The following FBXL4 variants were observed in gnomAD, a reference collection of about 807,000 sequenced individuals.
FBXL4 encodes F-box/LRR-repeat protein 4.
In FBXL4, 40 loss-of-function variants were observed where a neutral mutation model predicts 58.9. That is an observed-to-expected ratio of 0.68 (90% CI 0.53 to 0.88). The LOEUF (loss-of-function observed/expected upper bound fraction) is 0.88. FBXL4 is among the 40% of genes least tolerant of loss of function. FBXL4 has a pLI of 0.00. For missense variants in FBXL4, 676 were observed against 734.4 expected, an observed-to-expected ratio of 0.92 and a Z score of 0.92; for synonymous variants, 263 against 265.5, an observed-to-expected ratio of 0.99 and a Z score of 0.09.
chr6:98,934,740 A>G (rs1238382666), intron 2 of FBXL4, 22 bp downstream of exon 2: 1 of 152,156 alleles, frequency 6.6e-6, no homozygotes. Flanking sequence ...CCCAAAGTAG[A>G]AAAAATAGGT....
At chr6:98,899,059 GAGA>G in intron 7 of FBXL4, 1 of 985,078 alleles carries the variant, frequency 1.0e-6, no homozygotes, top group Non-Finnish European at 1.2e-6. Flanking sequence ...TAAGAGCATA[GAGA>G]AGAACATTTC....
At chr6:98,915,346 G>A (rs1413748321) in intron 5 of FBXL4, among the ~76,000 whole-genome samples, 1 of 151,988 alleles carries the variant, frequency 6.6e-6, no homozygotes, top group African/African-American at 2.4e-5. Context: ...AAACAAAAAA[G>A]AGCCCACATC....
intron 8 of FBXL4, among the ~76,000 whole-genome samples, chr6:98,876,811 G>A (rs9375721): frequency 0.072 from 10,968 of 152,242 alleles, 592 homozygotes; most frequent in East Asian, 0.28. Context: ...GGTGGTGAGG[G>A]AGAGGACGGG....
chr6:98,890,064 C>A (rs907514212), intron 7 of FBXL4, among the ~76,000 whole-genome samples: 3 of 152,024 alleles, frequency 2.0e-5, no homozygotes, highest in Non-Finnish European at 4.4e-5. Flanking sequence ...ATACTGAGAC[C>A]TTGTATAATC....
intron 6 of FBXL4, among the ~76,000 whole-genome samples, chr6:98,902,852 C>T (rs1033887975): frequency 6.6e-6 from 1 of 152,040 alleles, no homozygotes; most frequent in African/African-American, 2.4e-5. Flanking sequence ...TAATGATATG[C>T]ATGAACAGTA....
chr6:98,939,423 C>CT (rs377597667), intron 1 of FBXL4, among the ~76,000 whole-genome samples: 3 of 152,310 alleles, frequency 2.0e-5, no homozygotes, highest in Admixed American at 6.5e-5. Flanking sequence ...TCTCTCAAAT[C>CT]ATATTAGAGT....
intron 7 of FBXL4, among the ~76,000 whole-genome samples, chr6:98,883,198 A>G (rs1582371717): frequency 1.3e-5 from 2 of 151,988 alleles, no homozygotes; most frequent in East Asian, 3.9e-4. Context: ...ATCTTTTCAT[A>G]TGTTCATTGG....
At chr6:98,934,119 G>T (rs748035844) in intron 2 of FBXL4, among the ~76,000 whole-genome samples, 5 of 152,212 alleles carry the variant, frequency 3.3e-5, no homozygotes, top group African/African-American at 9.6e-5. Flanking sequence ...AACTCTGATT[G>T]AAATTAAAGA....
rs769532824 is a variant in FBXL4, at chr6:98,917,666, C to A, written c.566G>T (p.Arg189Leu). Residue 189 changes from arginine (R) to leucine (L), a missense_variant, in exon 5 of 10, where the codon CGC becomes CTC. By Grantham distance (102) the Arg-to-Leu change is moderately radical (BLOSUM62 -2). Transcript: ENST00000369244. ...CTGCTTAATACAAGGTTTAAACTGG[C>A]GAGCTTGGGAAGCATTCACCTTCGT... is the stretch of plus-strand genomic sequence containing the variant. ...RPTKVNASQA[R>L]QFKPCIKQIN... 3 of 1,612,942 alleles carry A rather than the reference C, an allele frequency of 1.9e-6. No individual in the cohort carries two copies. Among genetic ancestry groups the A allele is most frequent in the African/African-American group, 1.3e-5 (1 of 74,890 alleles).
chr6:98,928,621 C>T (rs757902483), intron 2 of FBXL4, among the ~76,000 whole-genome samples: 3 of 152,202 alleles, frequency 2.0e-5, no homozygotes, highest in South Asian at 2.1e-4. Flanking sequence ...TAAGCCACCA[C>T]GCCCTGCCCC....
chr6:98,917,391 C>CA lies in FBXL4; in HGVS notation c.840dup (p.Asp281Ter). 4 of 1,605,590 alleles carry CA rather than the reference C, an allele frequency of 2.5e-6. No individual in the cohort carries two copies. The highest frequency in any genetic ancestry group is 3.4e-6 in the Non-Finnish European group (4 of 1,175,624). Reference sequence around the variant, plus strand: ...TGGCTTACCTCATAAGGTAGTTTATCAAAATACCCATTATTTGGCCCTTCC... The same window carrying CA: ...TGGCTTACCTCATAAGGTAGTTTATCAAAAATACCCATTATTTGGCCCTTCC... On this transcript the variant is annotated frameshift_variant, in exon 5 of 10. Coordinates refer to ENST00000369244, the MANE Select transcript of FBXL4 (RefSeq NM_001278716.2). LOFTEE classifies it high-confidence loss of function.
intron 1 of FBXL4, among the ~76,000 whole-genome samples, chr6:98,941,763 T>A (rs1476891426): frequency 6.6e-6 from 1 of 152,164 alleles, no homozygotes; most frequent in African/African-American, 2.4e-5. Context: ...CATTTATATG[T>A]CTGAATAGAA....
chr6:98,895,624 A>T (rs195844), intron 7 of FBXL4, among the ~76,000 whole-genome samples: 105,071 of 152,112 alleles, frequency 0.69, 37,180 homozygotes, highest in African/African-American at 0.85. Flanking sequence ...TTTTGAGACC[A>T]TAATTTAATT....
chr6:98,877,523 AACTAAATACTTTTT>A (rs1770701702), intron 8 of FBXL4, among the ~76,000 whole-genome samples: 1 of 152,182 alleles, frequency 6.6e-6, no homozygotes, highest in South Asian at 2.1e-4. Context: ...ATAAAAATGA[AACTAAATACTTTTT>A]ACTGGAACAA....
chr6:98,919,939 A>G (rs867892930), intron 4 of FBXL4, among the ~76,000 whole-genome samples: 4 of 152,144 alleles, frequency 2.6e-5, no homozygotes, highest in African/African-American at 9.7e-5. Context: ...ATAACCACCT[A>G]TACTGGTTTA....
At chr6:98,881,274 G>A (rs1271015493) in intron 7 of FBXL4, among the ~76,000 whole-genome samples, 2 of 152,022 alleles carry the variant, frequency 1.3e-5, no homozygotes, top group African/African-American at 4.8e-5. Flanking sequence ...AATGAAAATG[G>A]TCTCACCACT....
intron 1 of FBXL4, 58 bp downstream of exon 1, chr6:98,947,748 G>C (rs1773682549): frequency 6.9e-6 from 1 of 144,044 alleles, no homozygotes; most frequent in South Asian, 2.2e-4. Context: ...GCCCCGCCCC[G>C]GCGCCAAAGG....
At chr6:98,915,329 C>T (rs1400023034) in intron 5 of FBXL4, among the ~76,000 whole-genome samples, 5 of 152,132 alleles carry the variant, frequency 3.3e-5, no homozygotes, top group Non-Finnish European at 7.4e-5. Flanking sequence ...CTTTAAAGTT[C>T]ATATGGAAAC....
At chr6:98,918,514 C>G (rs1772457448) in intron 4 of FBXL4, among the ~76,000 whole-genome samples, 1 of 152,086 alleles carries the variant, frequency 6.6e-6, no homozygotes, top group South Asian at 2.1e-4. Context: ...TATATTCCAT[C>G]TCCAGATAAG....
Sources: allele counts gnomAD v4.1 joint callset (sites outside exome capture counted in the v4.1 genomes callset), GRCh38; gene constraint gnomAD v4.1.1; transcripts MANE v1.5; gene names NCBI Gene and HGNC (gene_info 2026-07-23, HGNC 2026-07-21).